SLC38A4: variants seen among roughly 807,000 people sequenced by gnomAD.
The protein encoded by SLC38A4 is sodium-coupled neutral amino acid transporter 4.
SLC38A4 carries 20 observed loss-of-function variants against 63.1 expected under a neutral mutation model. That is an observed-to-expected ratio of 0.32 (90% CI 0.22 to 0.46). The LOEUF (loss-of-function observed/expected upper bound fraction) is 0.46, where lower values mean the gene tolerates loss of function less well. SLC38A4 is among the 20% of genes least tolerant of loss of function. The pLI is 1.00. For missense variants in SLC38A4, 526 were observed against 663.6 expected, an observed-to-expected ratio of 0.79 and a Z score of 2.28; for synonymous variants, 230 against 225.5, an observed-to-expected ratio of 1.02 and a Z score of -0.18.
At chr12:46,822,669 G>C (rs1314531105) in intron 1 of SLC38A4, among the ~76,000 whole-genome samples, 5 of 152,172 alleles carry the variant, frequency 3.3e-5, no homozygotes, top group African/African-American at 1.2e-4. Context: ...TTTTGTATAG[G>C]AAGAATGGTG....
At chr12:46,787,496 A>T (rs552502274) in intron 5 of SLC38A4, among the ~76,000 whole-genome samples, 2 of 152,132 alleles carry the variant, frequency 1.3e-5, no homozygotes, top group Non-Finnish European at 2.9e-5. Context: ...GGAATGTGGC[A>T]TCTTCATAGG....
intron 14 of SLC38A4, 108 bp from the exon 15 acceptor site, chr12:46,769,536 C>A: frequency 8.1e-7 from 1 of 1,240,854 alleles, no homozygotes; most frequent in Non-Finnish European, 1.1e-6. Context: ...TTCTTTTTTC[C>A]CAGAAAAGAT....
intron 15 of SLC38A4, among the ~76,000 whole-genome samples, chr12:46,768,912 TTCAGCTGATACTCGTAGTA>T (rs1447167840): frequency 6.6e-6 from 1 of 152,124 alleles, no homozygotes; most frequent in Non-Finnish European, 1.5e-5. Flanking sequence ...CCTTTCAATG[TTCAGCTGATACTCGTAGTA>T]TCAGAGAGCT....
chr12:46,817,049 T>C (rs564105457), intron 1 of SLC38A4, among the ~76,000 whole-genome samples: 231 of 150,720 alleles, frequency 1.5e-3, no homozygotes, highest in Middle Eastern at 6.8e-3. Context: ...GGGGAAGATA[T>C]GGTTTATGCA....
intron 14 of SLC38A4, 106 bp downstream of exon 14, chr12:46,774,943 T>C: frequency 3.1e-6 from 4 of 1,289,208 alleles, no homozygotes; most frequent in Non-Finnish European, 4.3e-6. Flanking sequence ...TCCTCAGGCA[T>C]TGCAATTGCA....
chr12:46,811,397 T>C lies in SLC38A4; in HGVS notation c.-304-7603A>G, dbSNP rs548687917. Among the ~76,000 whole-genome samples the C allele has an allele frequency of 9.7e-4, 147 of 151,848 alleles. 1 individual carries two copies. Among genetic ancestry groups the C allele is most frequent in the African/African-American group, 3.3e-3 (137 of 41,432 alleles). ...TAAATCTGAAAGAACAAATAGAAGT[T>C]GGCAGGAGAAATGCGATGGGGAGCA... On this transcript the variant is annotated intron_variant, in intron 1 of 16. Coordinates refer to ENST00000266579, the MANE Select transcript of SLC38A4 (RefSeq NM_018018.5).
At chr12:46,768,878 C>T (rs1053672345) in intron 15 of SLC38A4, among the ~76,000 whole-genome samples, 4 of 152,062 alleles carry the variant, frequency 2.6e-5, no homozygotes, top group African/African-American at 9.7e-5. Flanking sequence ...TTTATATAAT[C>T]AACCTCCTAT....
At chr12:46,832,330 C>T (rs926850274) in exon 1 of SLC38A4, 33 of 152,156 alleles carry the variant, frequency 2.2e-4, no homozygotes, top group African/African-American at 7.7e-4. Context: ...CACTCACCCG[C>T]CTCTTTTACT....
chr12:46,780,146 A>G, intron 7 of SLC38A4, 116 bp from the exon 8 acceptor site: 2 of 787,718 alleles, frequency 2.5e-6, no homozygotes, highest in Non-Finnish European at 4.2e-6. Context: ...TGGAAAAAAA[A>G]GTCATTGTGT....
intron 5 of SLC38A4, among the ~76,000 whole-genome samples, chr12:46,787,123 G>C (rs1260203832): frequency 6.6e-6 from 1 of 152,202 alleles, no homozygotes; most frequent in Non-Finnish European, 1.5e-5. Flanking sequence ...GGCAGCATTT[G>C]AACAAGTTTG....
intron 14 of SLC38A4, among the ~76,000 whole-genome samples, chr12:46,774,105 A>C (rs1295568195): frequency 6.6e-6 from 1 of 152,072 alleles, no homozygotes; most frequent in Non-Finnish European, 1.5e-5. Context: ...TTTAAGAGTA[A>C]AATATTAGCC....
At chr12:46,821,248 A>G (rs75918019) in intron 1 of SLC38A4, among the ~76,000 whole-genome samples, 7,596 of 152,070 alleles carry the variant, frequency 0.05, 224 homozygotes, top group Middle Eastern at 0.099. Context: ...ACCAATGTTA[A>G]AAAGTTTTTC....
intron 1 of SLC38A4, among the ~76,000 whole-genome samples, chr12:46,823,623 C>G (rs903898591): frequency 1.3e-5 from 2 of 152,174 alleles, no homozygotes; most frequent in Non-Finnish European, 2.9e-5. Flanking sequence ...AGTCAGGGCT[C>G]CAGACTGACT....
intron 5 of SLC38A4, among the ~76,000 whole-genome samples, chr12:46,785,653 C>T (rs894149322): frequency 4.0e-5 from 6 of 149,362 alleles, no homozygotes; most frequent in African/African-American, 1.5e-4. Flanking sequence ...CATTAGATTA[C>T]GAAGTACTTT....
At chr12:46,813,805 A>G (rs1939384531) in intron 1 of SLC38A4, among the ~76,000 whole-genome samples, 1 of 152,040 alleles carries the variant, frequency 6.6e-6, no homozygotes, top group African/African-American at 2.4e-5. Context: ...AGAAGGAGAT[A>G]ATAATAGTGC....
At chr12:46,767,625 A>T (rs1938327905) in intron 16 of SLC38A4, among the ~76,000 whole-genome samples, 1 of 152,126 alleles carries the variant, frequency 6.6e-6, no homozygotes, top group South Asian at 2.1e-4. Context: ...AAGGTAAATG[A>T]CTTCAAGGTA....
rs141854749 is a variant in SLC38A4, at chr12:46,780,989, A to C, written c.494-959T>G. 3.5e-4 allele frequency among the ~76,000 whole-genome samples: 54 copies of C among 152,168 alleles called. No homozygotes were observed. In the East Asian group the frequency reaches 9.9e-3, roughly 28 times the overall value. The stretch of plus-strand genomic sequence containing the variant: ...TTTTTGCTAACAGGCACTTTAAAAC[A>C]CATACTTAAATTGTAAATTAAACTA... On this transcript the variant is annotated intron_variant, in intron 7 of 16. Transcript: ENST00000266579.
chr12:46,826,466 A>G (rs1939657179), upstream of SLC38A4, among the ~76,000 whole-genome samples: 1 of 152,236 alleles, frequency 6.6e-6, no homozygotes, highest in South Asian at 2.1e-4. Context: ...CGTGCCATGC[A>G]GTATCATCAT....
chr12:46,775,996 G>A (rs1008313790), intron 13 of SLC38A4, among the ~76,000 whole-genome samples: 2 of 151,792 alleles, frequency 1.3e-5, no homozygotes, highest in Non-Finnish European at 2.9e-5. Flanking sequence ...GCACATGTTT[G>A]GTTAATAGTC....
Sources: gnomAD v4.1 joint callset for allele counts (sites outside exome capture counted in the v4.1 genomes callset) on GRCh38, gnomAD v4.1.1 for gene constraint, MANE v1.5 for transcripts, NCBI Gene and HGNC (gene_info 2026-07-23, HGNC 2026-07-21) for gene names.